Variants in P3H2 observed in about 807,000 individuals in gnomAD.
P3H2 encodes leprecan-like 1.
P3H2 carries 80 observed loss-of-function variants against 87.0 expected under a neutral mutation model. That is an observed-to-expected ratio of 0.92 (90% CI 0.77 to 1.11). The LOEUF (loss-of-function observed/expected upper bound fraction) is 1.11, where lower values mean the gene tolerates loss of function less well. Among genes scored for constraint, P3H2 ranks in the 50% least tolerant of loss-of-function variants. P3H2 has a pLI of 0.00. For synonymous variants in P3H2, 367 were observed against 359.3 expected (o/e 1.02, Z -0.24); for missense variants, 1,001 against 923.9 (o/e 1.08, Z -1.08).
At chr3:189,991,247 C>A (rs1164715879) in intron 3 of P3H2, among the ~76,000 whole-genome samples, 1 of 152,182 alleles carries the variant, frequency 6.6e-6, no homozygotes, top group Non-Finnish European at 1.5e-5. Flanking sequence ...ATTGAGATTG[C>A]TGTATTGAAT....
At chr3:190,005,943 T>C (rs1190164430) in intron 1 of P3H2, among the ~76,000 whole-genome samples, 1 of 152,214 alleles carries the variant, frequency 6.6e-6, no homozygotes, top group Non-Finnish European at 1.5e-5. Context: ...TTTCATACAT[T>C]CCTCTGGCAT....
intron 1 of P3H2, among the ~76,000 whole-genome samples, chr3:190,100,261 C>CAA (rs1283469136): frequency 3.1e-5 from 4 of 130,930 alleles, no homozygotes; most frequent in African/African-American, 9.5e-5. Flanking sequence ...CCCCCCCCCC[C>CAA]AAAAAAAACA....
chr3:190,075,546 G>A (rs1343090885), intron 1 of P3H2, among the ~76,000 whole-genome samples: 1 of 151,504 alleles, frequency 6.6e-6, no homozygotes, highest in Admixed American at 6.6e-5. Flanking sequence ...CACCAAGACA[G>A]ATACACATAA....
intron 1 of P3H2, among the ~76,000 whole-genome samples, chr3:190,055,093 C>T (rs1726108371): frequency 6.6e-6 from 1 of 152,162 alleles, no homozygotes; most frequent in Admixed American, 6.5e-5. Context: ...ACAGGAGACT[C>T]CCCCGTCTTC....
At chr3:190,042,271 T>C (rs367800427) in intron 1 of P3H2, among the ~76,000 whole-genome samples, 23 of 152,212 alleles carry the variant, frequency 1.5e-4, no homozygotes, top group African/African-American at 5.3e-4. Context: ...GTTTAACTTA[T>C]CCAGTCCACA....
chr3:189,973,175 G>A (rs1723230241), intron 10 of P3H2, 151 bp from the exon 11 acceptor site: 1 of 675,254 alleles, frequency 1.5e-6, no homozygotes, highest in Non-Finnish European at 2.5e-6. Context: ...TTTCGGTTAG[G>A]ACATTGTGCC....
chr3:190,040,902 G>C (rs1289947963), intron 1 of P3H2, among the ~76,000 whole-genome samples: 2 of 150,460 alleles, frequency 1.3e-5, no homozygotes, highest in Non-Finnish European at 3.0e-5. Flanking sequence ...AGGCACTAAA[G>C]GTCTGGTATG....
intron 1 of P3H2, among the ~76,000 whole-genome samples, chr3:190,019,886 C>G (rs1211245043): frequency 7.8e-6 from 1 of 128,038 alleles, no homozygotes; most frequent in African/African-American, 2.7e-5. Flanking sequence ...ATCCTGATGA[C>G]AAGGACTTGC....
chr3:190,070,495 G>A (rs1475387544), intron 1 of P3H2, among the ~76,000 whole-genome samples: 1 of 152,016 alleles, frequency 6.6e-6, no homozygotes, highest in Non-Finnish European at 1.5e-5. Context: ...GGGTATCCAG[G>A]GTCATCTAGC....
chr3:189,988,863 A>G (rs746158501), intron 4 of P3H2, 44 bp downstream of exon 4: 1 of 1,612,776 alleles, frequency 6.2e-7, no homozygotes, highest in Non-Finnish European at 8.5e-7. Context: ...GTAATGATGA[A>G]CCACAACCCC....
At chr3:190,114,029 G>A (rs1335663666) in intron 1 of P3H2, among the ~76,000 whole-genome samples, 2 of 129,650 alleles carry the variant, frequency 1.5e-5, no homozygotes, top group Non-Finnish European at 3.2e-5. Flanking sequence ...GCAGTGAGCC[G>A]AGATGTCGCC....
chr3:189,971,842 G>T, intron 12 of P3H2, 48 bp downstream of exon 12: 1 of 1,155,812 alleles, frequency 8.7e-7, no homozygotes, highest in Non-Finnish European at 1.3e-6. Context: ...TTCACTGCTT[G>T]AAAACTGTTA....
At chr3:190,110,589 A>G (rs576645298) in intron 1 of P3H2, among the ~76,000 whole-genome samples, 2 of 152,374 alleles carry the variant, frequency 1.3e-5, no homozygotes, top group South Asian at 4.1e-4. Flanking sequence ...ATTTTAAAAT[A>G]GCACATGCTT....
Position 190,101,368 on chromosome 3 carries a change from C to CAAAAA in P3H2, c.480+18879_480+18883dup, listed in dbSNP as rs34737545. ...GCATCAGTTCACCAAATCATGAACG[C>CAAAAA]AAAAAAAAAAAAAAAAAAAAAAAAA... is the stretch of plus-strand genomic sequence containing the variant. On this transcript the variant is annotated intron_variant, in intron 1 of 14. Transcript: ENST00000319332. Among the ~76,000 whole-genome samples the CAAAAA allele has an allele frequency of 1.8e-3, 44 of 23,956 alleles. 5 individuals carry two copies. Among genetic ancestry groups the CAAAAA allele is most frequent in the African/African-American group, 7.2e-3 (42 of 5,870 alleles). The allele number at this position is 23,956 out of a possible 152,430, so 15.7% of individuals were successfully genotyped here.
intron 1 of P3H2, among the ~76,000 whole-genome samples, chr3:190,089,449 G>T (rs1030907416): frequency 6.6e-6 from 1 of 152,144 alleles, no homozygotes; most frequent in Non-Finnish European, 1.5e-5. Context: ...TTGAAACAAG[G>T]GCAACAGAGG....
rs1577335097 is a variant in P3H2 at position 190,120,772 on chromosome 3, G to A, written c.-41C>T. The A allele has an allele frequency of 6.6e-7, 1 of 1,506,332 alleles. No homozygotes were observed. 93.3% of individuals were successfully genotyped at this position (1,506,332 alleles called of 1,614,324 possible). A position where few individuals can be genotyped will look rare whatever the true frequency, so the allele number is the denominator to read the frequency against. On this transcript the variant is annotated 5_prime_UTR_variant, in exon 1 of 15. Transcript: ENST00000319332. ...GGCGCGGGACGGTTACGCTCGAGAGGGCTTCGGGGCACCTCGCGTCCGGGT... is the reference window on the plus strand; with the variant it reads ...GGCGCGGGACGGTTACGCTCGAGAGAGCTTCGGGGCACCTCGCGTCCGGGT...
At chr3:190,009,302 C>T (rs933423080) in intron 1 of P3H2, among the ~76,000 whole-genome samples, 3 of 152,152 alleles carry the variant, frequency 2.0e-5, no homozygotes, top group Non-Finnish European at 4.4e-5. Flanking sequence ...TGATTTGTAG[C>T]TCTAAAAATT....
intron 8 of P3H2, among the ~76,000 whole-genome samples, chr3:189,977,954 G>A (rs747859755): frequency 6.6e-6 from 1 of 152,124 alleles, no homozygotes; most frequent in South Asian, 2.1e-4. Flanking sequence ...AGCATAGAAC[G>A]CAATTTGGAA....
chr3:190,094,063 AG>A (rs1727495483), intron 1 of P3H2, among the ~76,000 whole-genome samples: 2 of 152,242 alleles, frequency 1.3e-5, no homozygotes, highest in Admixed American at 1.3e-4. Flanking sequence ...ACATTGATAT[AG>A]AGCAATAGGT....
Sources: gnomAD v4.1 joint callset for allele counts (sites outside exome capture counted in the v4.1 genomes callset) on GRCh38, gnomAD v4.1.1 for gene constraint, MANE v1.5 for transcripts, NCBI Gene and HGNC (gene_info 2026-07-23, HGNC 2026-07-21) for gene names.